DAB1: variants seen among roughly 807,000 people sequenced by gnomAD.
DAB1 encodes disabled homolog 1.
Under a neutral mutation model 64.6 loss-of-function variants are expected in DAB1, and 15 were observed. The observed-to-expected ratio is 0.23, with a 90% confidence interval of 0.16 to 0.36. The LOEUF (loss-of-function observed/expected upper bound fraction) is 0.36. Among genes scored for constraint, DAB1 ranks in the 10% least tolerant of loss-of-function variants. The probability of loss-of-function intolerance (pLI) is 1.00; values close to 1 mark genes in which losing one functional copy is unlikely to be tolerated. For synonymous variants in DAB1, 235 were observed against 251.9 expected, an observed-to-expected ratio of 0.93 and a Z score of 0.64; for missense variants, 596 against 706.7, an observed-to-expected ratio of 0.84 and a Z score of 1.78.
chr1:57,558,884 AG>A (rs1473262917), intron 7 of DAB1, among the ~76,000 whole-genome samples: 1 of 152,134 alleles, frequency 6.6e-6, no homozygotes, highest in Admixed American at 6.5e-5. Flanking sequence ...TCCAGCTGGG[AG>A]GGTCCAGAAG....
chr1:57,445,776 A>G (rs1419850910), intron 7 of DAB1, among the ~76,000 whole-genome samples: 1 of 152,206 alleles, frequency 6.6e-6, no homozygotes, highest in Non-Finnish European at 1.5e-5. Context: ...AAATATATTA[A>G]AACGCATAGA....
At chr1:57,772,180 T>C (rs779846004) in intron 6 of DAB1, among the ~76,000 whole-genome samples, 6 of 152,066 alleles carry the variant, frequency 3.9e-5, no homozygotes, top group Non-Finnish European at 7.4e-5. Flanking sequence ...GGCAGCCCCC[T>C]CTTGTGCTCT....
intron 1 of DAB1, among the ~76,000 whole-genome samples, chr1:57,313,504 G>T (rs1295952816): frequency 6.6e-6 from 1 of 152,104 alleles, no homozygotes. Context: ...TACAGTAGGG[G>T]CCTGAGGCAC....
chr1:57,932,659 G>A (rs12032867), intron 5 of DAB1, among the ~76,000 whole-genome samples: 4,639 of 152,046 alleles, frequency 0.031, 96 homozygotes, highest in East Asian at 0.082. Flanking sequence ...ATGTCTTCTT[G>A]GAGAATTTAT....
chr1:58,129,164 C>T (rs940817484), intron 5 of DAB1, among the ~76,000 whole-genome samples: 2 of 151,150 alleles, frequency 1.3e-5, no homozygotes, highest in African/African-American at 4.9e-5. Flanking sequence ...AGGGATTCAA[C>T]TTCTTCCTGG....
intron 1 of DAB1, chr1:57,867,416 G>A (rs1224662548): frequency 2.0e-5 from 3 of 152,124 alleles, no homozygotes; most frequent in African/African-American, 7.2e-5. Context: ...TGGACCCAGA[G>A]ACATTGCCTG....
chr1:57,293,190 A>T (rs557977111), intron 1 of DAB1, among the ~76,000 whole-genome samples: 1 of 152,036 alleles, frequency 6.6e-6, no homozygotes, highest in Non-Finnish European at 1.5e-5. Flanking sequence ...TTGTGCTGCT[A>T]TCTTTCTATG....
At position 57,223,084 on chromosome 1, in the gene DAB1, C is replaced by T. The variant is rs546360594; in HGVS notation, c.67+67880G>A. Among the ~76,000 whole-genome samples the T allele has an allele frequency of 2.0e-5, 3 of 152,076 alleles. No individual in the cohort carries two copies. The East Asian group carries it at 5.8e-4, about 30-fold the overall frequency. On this transcript the variant is annotated intron_variant, in intron 2 of 14. Transcript: ENST00000371236. ...CTCTGAATGCTCCTGCAGAAGATCT[C>T]CACCAGCTGACATGTAGGGCTCTTT... is the stretch of plus-strand genomic sequence containing the variant.
At chr1:57,085,892 A>G (rs1200053369) in intron 4 of DAB1, among the ~76,000 whole-genome samples, 1 of 152,176 alleles carries the variant, frequency 6.6e-6, no homozygotes, top group East Asian at 1.9e-4. Flanking sequence ...GTCTGAAGTG[A>G]CTAAATTAGT....
At chr1:57,970,213 A>G (rs567729853) in intron 5 of DAB1, among the ~76,000 whole-genome samples, 6 of 152,318 alleles carry the variant, frequency 3.9e-5, no homozygotes, top group African/African-American at 1.4e-4. Context: ...AGTTTGTTAC[A>G]GCAACCTGAA....
At chr1:58,034,165 C>T (rs1386287151) in intron 5 of DAB1, among the ~76,000 whole-genome samples, 1 of 152,242 alleles carries the variant, frequency 6.6e-6, no homozygotes, top group African/African-American at 2.4e-5. Flanking sequence ...CTCTCTCACT[C>T]TCTGGCTCTG....
At chr1:58,489,604 C>A (rs1443750468) in intron 3 of DAB1, among the ~76,000 whole-genome samples, 1 of 152,210 alleles carries the variant, frequency 6.6e-6, no homozygotes, top group Non-Finnish European at 1.5e-5. Context: ...GTGGTTCTCC[C>A]AGCATGCAGC....
intron 5 of DAB1, among the ~76,000 whole-genome samples, chr1:58,121,241 A>G (rs1341964979): frequency 6.6e-6 from 1 of 152,132 alleles, no homozygotes; most frequent in Non-Finnish European, 1.5e-5. Flanking sequence ...CTTCCAAAAC[A>G]TGAGCTGGAT....
chr1:58,086,832 A>G (rs1326684733), intron 5 of DAB1, among the ~76,000 whole-genome samples: 1 of 151,858 alleles, frequency 6.6e-6, no homozygotes, highest in African/African-American at 2.4e-5. Flanking sequence ...AAAGCCCAAT[A>G]AGATGTCTTT....
At chr1:57,243,935 A>T (rs1261350385) in intron 2 of DAB1, among the ~76,000 whole-genome samples, 1 of 152,074 alleles carries the variant, frequency 6.6e-6, no homozygotes, top group South Asian at 2.1e-4. Context: ...CCTCCCAGGG[A>T]CCTTCCACTA....
At chr1:57,518,527 T>C (rs1302054208) in intron 7 of DAB1, among the ~76,000 whole-genome samples, 2 of 152,242 alleles carry the variant, frequency 1.3e-5, no homozygotes, top group African/African-American at 4.8e-5. Context: ...CACAACTGTC[T>C]GAAATGTCTG....
At chr1:57,917,900 T>C (rs1379243711) in intron 5 of DAB1, among the ~76,000 whole-genome samples, 3 of 151,972 alleles carry the variant, frequency 2.0e-5, no homozygotes, top group Non-Finnish European at 2.9e-5. Flanking sequence ...GAGGTATCAT[T>C]TTCTAAAAAT....
At chr1:57,386,380 A>AC (rs1316326356) in intron 1 of DAB1, among the ~76,000 whole-genome samples, 1 of 140,628 alleles carries the variant, frequency 7.1e-6, no homozygotes, top group African/African-American at 2.7e-5. Context: ...AAAAAAAAAA[A>AC]AAAAAAACCC....
At chr1:57,939,770 T>C (rs940286167) in intron 5 of DAB1, among the ~76,000 whole-genome samples, 5 of 152,140 alleles carry the variant, frequency 3.3e-5, no homozygotes, top group Admixed American at 6.5e-5. Context: ...TAAGACCACA[T>C]GTAGCCAAGG....
Sources: gnomAD v4.1 joint callset for allele counts (sites outside exome capture counted in the v4.1 genomes callset) on GRCh38, gnomAD v4.1.1 for gene constraint, MANE v1.5 for transcripts, NCBI Gene and HGNC (gene_info 2026-07-23, HGNC 2026-07-21) for gene names.